PCDHA2: variants seen among roughly 807,000 people sequenced by gnomAD.
PCDHA2 encodes the protein protocadherin alpha-2.
A neutral mutation model predicts 66.0 loss-of-function variants in PCDHA2; 58 were observed. The ratio of observed to expected loss-of-function variants is 0.88; its 90% CI spans 0.71 to 1.09. The LOEUF is 1.09. Ranked by LOEUF, PCDHA2 falls within the 50% of genes least tolerant of loss-of-function variation. The probability of loss-of-function intolerance (pLI) is 0.00; values close to 1 mark genes in which losing one functional copy is unlikely to be tolerated. For missense variants in PCDHA2, 1,267 were observed against 1,242.3 expected (o/e 1.02, Z -0.30); for synonymous variants, 634 against 554.0 (o/e 1.14, Z -2.03).
At chr5:140,876,418 T>G in intron 1 of PCDHA2, 1 of 1,613,982 alleles carries the variant, frequency 6.2e-7, no homozygotes, top group African/African-American at 1.3e-5. Context: ...GAATAATGCC[T>G]ATGAAATTCA....
At chr5:140,869,582 C>T (rs936485472) in intron 1 of PCDHA2, 7 of 1,614,088 alleles carry the variant, frequency 4.3e-6, no homozygotes, top group Middle Eastern at 1.6e-4. Context: ...GCTTCTGATG[C>T]TGACATTGAA....
chr5:140,869,089 C>T (rs141432478), intron 1 of PCDHA2: 5 of 1,588,880 alleles, frequency 3.1e-6, no homozygotes, highest in Non-Finnish European at 4.3e-6. Flanking sequence ...ATTTTGGAAG[C>T]CAATTTCGTA....
In PCDHA2 at chr5:141,010,329, G is replaced by C; in HGVS notation, c.*392G>C. On this transcript the variant is annotated 3_prime_UTR_variant, in exon 4 of 4. Coordinates refer to ENST00000526136, the MANE Select transcript of PCDHA2 (RefSeq NM_018905.3). ...AGTTTTGAGATTGAGCAGCTTGGGAGTTTGTGGCCACTGGGTATGTGTGGC... is the reference window on the plus strand; with the variant it reads ...AGTTTTGAGATTGAGCAGCTTGGGACTTTGTGGCCACTGGGTATGTGTGGC... 6.5e-7 allele frequency: 1 copy of C among 1,538,672 alleles called. No individual in the cohort carries two copies. Among genetic ancestry groups the C allele is most frequent in the Non-Finnish European group, 8.8e-7 (1 of 1,142,532 alleles).
At chr5:140,808,086 G>C in intron 1 of PCDHA2, 1 of 1,613,968 alleles carries the variant, frequency 6.2e-7, no homozygotes, top group African/African-American at 1.3e-5. Context: ...CCAATTACTG[G>C]ACAAATTATT....
intron 1 of PCDHA2, among the ~76,000 whole-genome samples, chr5:140,846,696 G>A (rs1487069290): frequency 1.3e-5 from 2 of 149,188 alleles, no homozygotes; most frequent in African/African-American, 2.5e-5. Context: ...TTAGCAAGTA[G>A]AGAAGATTGT....
At chr5:140,808,178 T>C (rs782647325) in intron 1 of PCDHA2, 1 of 1,614,262 alleles carries the variant, frequency 6.2e-7, no homozygotes, top group Non-Finnish European at 8.5e-7. Flanking sequence ...GCTCCCACTT[T>C]CTGGCCATTG....
intron 1 of PCDHA2, among the ~76,000 whole-genome samples, chr5:140,908,585 G>A (rs782742805): frequency 3.9e-5 from 6 of 152,160 alleles, no homozygotes; most frequent in South Asian, 4.1e-4. Flanking sequence ...AGAGTAGTTA[G>A]CTGCAGAAGA....
At chr5:141,009,166 T>C (rs949376056) in intron 3 of PCDHA2, among the ~76,000 whole-genome samples, 98 of 152,230 alleles carry the variant, frequency 6.4e-4, no homozygotes, top group African/African-American at 2.2e-3. Context: ...CTGTAAATAC[T>C]GGCCTTGGCT....
At chr5:140,964,199 A>C (rs1183847716) in intron 1 of PCDHA2, among the ~76,000 whole-genome samples, 1 of 152,240 alleles carries the variant, frequency 6.6e-6, no homozygotes, top group Admixed American at 6.5e-5. Context: ...AGAGTATACC[A>C]TCTCTTTAGT....
intron 1 of PCDHA2, chr5:140,884,540 G>A (rs782638313): frequency 1.9e-6 from 3 of 1,613,998 alleles, no homozygotes; most frequent in South Asian, 2.2e-5. Flanking sequence ...GCGGCCGAGG[G>A]TGTGCTCTGG....
intron 1 of PCDHA2, among the ~76,000 whole-genome samples, chr5:140,892,327 C>T (rs1399330185): frequency 6.6e-6 from 1 of 152,154 alleles, no homozygotes; most frequent in Non-Finnish European, 1.5e-5. Flanking sequence ...TTTCTTTCTC[C>T]AGAATGGATT....
chr5:140,814,710 G>A (rs1765569833), intron 1 of PCDHA2: 1 of 152,130 alleles, frequency 6.6e-6, no homozygotes, highest in South Asian at 2.1e-4. Context: ...TCATCACTAG[G>A]TGATAGGAAT....
At chr5:140,843,985 C>T (rs1171962814) in intron 1 of PCDHA2, among the ~76,000 whole-genome samples, 4 of 149,436 alleles carry the variant, frequency 2.7e-5, no homozygotes, top group Non-Finnish European at 6.0e-5. Context: ...TGCCTTACAG[C>T]CGTCTTCTCT....
At chr5:140,978,909 C>G (rs782321430) in intron 1 of PCDHA2, 40 bp from the exon 2 acceptor site, 2 of 1,613,660 alleles carry the variant, frequency 1.2e-6, no homozygotes, top group South Asian at 2.2e-5. Context: ...AGAACATTGT[C>G]TTGTCATTTT....
intron 1 of PCDHA2, chr5:140,850,598 C>T (rs1358773904): frequency 1.9e-6 from 3 of 1,598,576 alleles, no homozygotes; most frequent in Middle Eastern, 1.7e-4. Context: ...TGTACCTGAT[C>T]ATCGCCATCT....
chr5:140,887,023 A>T (rs561705710), intron 1 of PCDHA2, among the ~76,000 whole-genome samples: 3 of 152,050 alleles, frequency 2.0e-5, no homozygotes, highest in South Asian at 2.1e-4. Flanking sequence ...TGCCTGAAAA[A>T]TTTCTTTAAT....
chr5:140,881,959 C>G (rs1012115110), intron 1 of PCDHA2: 146 of 352,464 alleles, frequency 4.1e-4, no homozygotes, highest in Non-Finnish European at 1.3e-4. Context: ...AACATTTAAT[C>G]TTCAATTACA....
At chr5:140,858,250 G>C in intron 1 of PCDHA2, 1 of 1,596,872 alleles carries the variant, frequency 6.3e-7, no homozygotes, top group Non-Finnish European at 8.6e-7. Flanking sequence ...GGCCGGTGAA[G>C]CCCACGCTGG....
intron 1 of PCDHA2, chr5:140,842,442 T>G (rs1777952178): frequency 1.2e-6 from 2 of 1,613,802 alleles, no homozygotes; most frequent in Non-Finnish European, 1.7e-6. Flanking sequence ...CTAATTAGCG[T>G]GAACGACCTC....
Sources: allele counts gnomAD v4.1 joint callset (sites outside exome capture counted in the v4.1 genomes callset), GRCh38; gene constraint gnomAD v4.1.1; transcripts MANE v1.5; gene names NCBI Gene and HGNC (gene_info 2026-07-23, HGNC 2026-07-21).